ITPR2: variants seen among roughly 807,000 people sequenced by gnomAD.
ITPR2 encodes the protein inositol 1,4,5-trisphosphate receptor type 2.
ITPR2 carries 207 observed loss-of-function variants against 317.1 expected under a neutral mutation model. The ratio of observed to expected loss-of-function variants is 0.65; its 90% CI spans 0.58 to 0.73. ITPR2 has a LOEUF of 0.73. ITPR2 is among the 30% of genes least tolerant of loss of function. The pLI is 0.00. For missense variants in ITPR2, 2,613 were observed against 3,284.0 expected (o/e 0.80, Z 4.99); for synonymous variants, 1,156 against 1,149.1 (o/e 1.01, Z -0.12).
chr12:26,704,743 A>C (rs1480021529), intron 9 of ITPR2, among the ~76,000 whole-genome samples: 4 of 152,178 alleles, frequency 2.6e-5, no homozygotes, highest in African/African-American at 7.2e-5. Flanking sequence ...ATAATACTAT[A>C]TAATATACAT....
intron 45 of ITPR2, among the ~76,000 whole-genome samples, chr12:26,450,662 T>C (rs921244587): frequency 6.6e-6 from 1 of 152,170 alleles, no homozygotes. Context: ...CAGGAATTCC[T>C]AGTAGGGAGA....
chr12:26,418,152 T>A (rs917448274), intron 50 of ITPR2, among the ~76,000 whole-genome samples: 3 of 152,186 alleles, frequency 2.0e-5, no homozygotes, highest in African/African-American at 7.2e-5. Flanking sequence ...ATTTCAGTCT[T>A]CTCAAATCGG....
At chr12:26,807,544 G>C (rs186052122) in intron 1 of ITPR2, among the ~76,000 whole-genome samples, 71 of 152,352 alleles carry the variant, frequency 4.7e-4, no homozygotes, top group Middle Eastern at 3.4e-3. Flanking sequence ...TGCCTCTGCA[G>C]TCTGAAGACA....
intron 55 of ITPR2, among the ~76,000 whole-genome samples, chr12:26,370,915 C>T (rs558560197): frequency 2.6e-5 from 4 of 152,332 alleles, no homozygotes; most frequent in South Asian, 2.1e-4. Flanking sequence ...CCCCGTGATC[C>T]GCCTGCCTCG....
intron 9 of ITPR2, among the ~76,000 whole-genome samples, chr12:26,696,787 C>T (rs1223911807): frequency 3.3e-5 from 5 of 152,166 alleles, no homozygotes; most frequent in African/African-American, 9.7e-5. Flanking sequence ...TGAACGCTGA[C>T]GTAGAAACCC....
intron 24 of ITPR2, chr12:26,623,303 T>C (rs1591972707): frequency 6.6e-6 from 1 of 152,122 alleles, no homozygotes; most frequent in Non-Finnish European, 1.5e-5. Flanking sequence ...AATCATCCCT[T>C]TGCCAGCATC....
intron 34 of ITPR2, among the ~76,000 whole-genome samples, chr12:26,575,545 TGATATGGAAACC>T (rs1945255372): frequency 6.6e-6 from 1 of 152,050 alleles, no homozygotes; most frequent in African/African-American, 2.4e-5. Context: ...AAACTGAGAT[TGATATGGAAACC>T]TCACTCTTCA....
intron 23 of ITPR2, among the ~76,000 whole-genome samples, chr12:26,625,751 A>C (rs1946609041): frequency 6.6e-6 from 1 of 152,208 alleles, no homozygotes; most frequent in African/African-American, 2.4e-5. Flanking sequence ...TTCTTTAAAG[A>C]ATCAAAATAT....
chr12:26,540,385 A>G (rs149666193), intron 37 of ITPR2, among the ~76,000 whole-genome samples: 3 of 152,336 alleles, frequency 2.0e-5, no homozygotes, highest in African/African-American at 7.2e-5. Context: ...AATGATGAAC[A>G]TGATAACTTA....
At chr12:26,685,322 G>A (rs912715621) in intron 11 of ITPR2, among the ~76,000 whole-genome samples, 9 of 152,200 alleles carry the variant, frequency 5.9e-5, no homozygotes, top group South Asian at 2.1e-4. Flanking sequence ...CAGCCTGGGC[G>A]TGGTGGCTCA....
intron 43 of ITPR2, 52 bp from the exon 44 acceptor site, chr12:26,477,059 A>G: frequency 8.7e-7 from 1 of 1,146,774 alleles, no homozygotes; most frequent in South Asian, 1.4e-5. Context: ...TCATGGATTA[A>G]CGATTTCTCT....
chr12:26,718,888 G>A lies in ITPR2; in HGVS notation c.526-2646C>T, dbSNP rs949972398. ...CAGCCTCCCAAAGGATTACATAGGC[G>A]TGAACCACTGTGCCCAGCCTAACAT... On this transcript the variant is annotated intron_variant, in intron 5 of 56. Coordinates refer to ENST00000381340, the MANE Select transcript of ITPR2 (RefSeq NM_002223.4). Among the ~76,000 whole-genome samples, 5 of 152,174 alleles carry A rather than the reference G, an allele frequency of 3.3e-5. No individual in the cohort carries two copies. In the East Asian group the frequency reaches 9.7e-4, roughly 29 times the overall value.
At chr12:26,816,979 A>T (rs1411342181) in intron 1 of ITPR2, among the ~76,000 whole-genome samples, 4 of 152,096 alleles carry the variant, frequency 2.6e-5, no homozygotes, top group Non-Finnish European at 5.9e-5. Context: ...GGAGATCAAG[A>T]CCATCCTGGC....
At position 26,494,209 on chromosome 12, in the gene ITPR2, A is replaced by G; in HGVS notation, c.5314T>C (p.Ser1772Pro). ...IVNTKNDRIF[S>P]EGIFLGIALL... ...GCAATGCCGAGGAAAATGCCTTCTG[A>G]AAAAATTCTGTCATTTTTGGTGTTC... Residue 1772 changes from serine to proline, a missense_variant, in exon 39 of 57, where the codon TCA becomes CCA. By Grantham distance (74) the Ser-to-Pro change is moderately conservative. This residue lies in a region of ITPR2 where 926 missense variants were observed against 1,072.8 expected (regional missense o/e 0.86). Coordinates refer to ENST00000381340, the MANE Select transcript of ITPR2 (RefSeq NM_002223.4). 1 of 1,613,232 alleles carries G rather than the reference A, an allele frequency of 6.2e-7. No homozygotes were observed. Among genetic ancestry groups the G allele is most frequent in the Non-Finnish European group, 8.5e-7 (1 of 1,179,626 alleles).
intron 21 of ITPR2, among the ~76,000 whole-genome samples, chr12:26,634,450 A>C (rs914519227): frequency 1.3e-5 from 2 of 152,236 alleles, no homozygotes; most frequent in Non-Finnish European, 2.9e-5. Context: ...TATAATATAA[A>C]TTCTCTGAAC....
intron 9 of ITPR2, among the ~76,000 whole-genome samples, chr12:26,708,575 G>A (rs913576025): frequency 2.0e-5 from 3 of 152,162 alleles, no homozygotes; most frequent in Non-Finnish European, 2.9e-5. Context: ...AAGCTAGGGA[G>A]TAGAAGGATA....
chr12:26,706,226 AATTTT>A (rs1406994647), intron 9 of ITPR2, among the ~76,000 whole-genome samples: 6 of 152,282 alleles, frequency 3.9e-5, no homozygotes, highest in Admixed American at 2.0e-4. Context: ...TGATAATATT[AATTTT>A]AATTTAATAG....
intron 49 of ITPR2, chr12:26,421,170 T>A: frequency 6.6e-6 from 1 of 152,208 alleles, no homozygotes; most frequent in East Asian, 1.9e-4. Context: ...TACATTTAAT[T>A]TCTCAAATAA....
intron 32 of ITPR2, among the ~76,000 whole-genome samples, chr12:26,590,271 G>A (rs181041376): frequency 7.2e-5 from 11 of 152,176 alleles, no homozygotes; most frequent in East Asian, 5.8e-4. Context: ...TAATTTTGTC[G>A]TTTCAAAATA....
Sources: gnomAD v4.1 joint callset for allele counts (sites outside exome capture counted in the v4.1 genomes callset) on GRCh38, gnomAD v4.1.1 for gene constraint, gnomAD v4.1.1 regional missense constraint, MANE v1.5 for transcripts, NCBI Gene and HGNC (gene_info 2026-07-23, HGNC 2026-07-21) for gene names.